Variants in OPRM1 observed in about 807,000 individuals in gnomAD.
OPRM1 encodes the protein opioid receptor mu 1.
In OPRM1, 27 loss-of-function variants were observed where a neutral mutation model predicts 31.8. That is an observed-to-expected ratio of 0.85 (90% CI 0.63 to 1.17). OPRM1 has a LOEUF of 1.17. Ranked by LOEUF, OPRM1 falls within the 50% of genes most tolerant of loss-of-function variation. The pLI is 0.00. For missense variants in OPRM1, 536 were observed against 511.1 expected, an observed-to-expected ratio of 1.05 and a Z score of -0.47; for synonymous variants, 196 against 189.9, an observed-to-expected ratio of 1.03 and a Z score of -0.26.
At chr6:154,140,219 GAAGT>G (rs1280255671) in intron 3 of OPRM1, among the ~76,000 whole-genome samples, 1 of 152,172 alleles carries the variant, frequency 6.6e-6, no homozygotes, top group Non-Finnish European at 1.5e-5. Context: ...CTCCCCAGAG[GAAGT>G]AAGACTTTAG....
At chr6:154,213,291 G>C (rs1006369397) in intron 3 of OPRM1, 13 of 181,194 alleles carry the variant, frequency 7.2e-5, no homozygotes, top group Non-Finnish European at 1.3e-4. Context: ...CAAGTATGTG[G>C]AGACCCCTAC....
chr6:154,075,994 A>G (rs922520387), intron 1 of OPRM1, among the ~76,000 whole-genome samples: 11 of 152,178 alleles, frequency 7.2e-5, no homozygotes, highest in African/African-American at 2.4e-4. Flanking sequence ...ATTCATTATC[A>G]TTACTCTTCT....
rs1006285606 is a variant in OPRM1 at position 154,123,335 on chromosome 6, A to C, written c.*4614A>C. Reference sequence around the variant, plus strand: ...GGAAACTTTTTCCTGGGAGCCCACTAATCACACAGTGAACAAAAGGCTTCT... The same window carrying C: ...GGAAACTTTTTCCTGGGAGCCCACTCATCACACAGTGAACAAAAGGCTTCT... On this transcript the variant is annotated 3_prime_UTR_variant, in exon 4 of 4. Coordinates refer to ENST00000330432, the MANE Select transcript of OPRM1 (RefSeq NM_000914.5). Among the ~76,000 whole-genome samples the C allele has an allele frequency of 1.3e-5, 2 of 152,152 alleles. No individual in the cohort carries two copies. The highest frequency in any genetic ancestry group is 2.9e-5 in the Non-Finnish European group (2 of 68,038).
At chr6:154,233,616 G>C (rs1050108340) in intron 3 of OPRM1, among the ~76,000 whole-genome samples, 2 of 152,158 alleles carry the variant, frequency 1.3e-5, no homozygotes, top group African/African-American at 4.8e-5. Flanking sequence ...TATAAAAACA[G>C]ATGGAAAGAA....
chr6:154,034,097 T>A (rs959220919), intron 1 of OPRM1, among the ~76,000 whole-genome samples: 2 of 152,206 alleles, frequency 1.3e-5, no homozygotes, highest in South Asian at 2.1e-4. Flanking sequence ...CTTGAGTACA[T>A]CTCTTTAAAT....
chr6:154,169,351 ACT>A (rs1181500706), intron 3 of OPRM1, among the ~76,000 whole-genome samples: 2 of 152,002 alleles, frequency 1.3e-5, no homozygotes, highest in Non-Finnish European at 2.9e-5. Context: ...ACAGAGTGAG[ACT>A]CTGTCACACA....
At chr6:154,184,299 A>T (rs1801148981) in intron 3 of OPRM1, among the ~76,000 whole-genome samples, 1 of 152,128 alleles carries the variant, frequency 6.6e-6, no homozygotes, top group South Asian at 2.1e-4. Context: ...ATAATAAAAA[A>T]TTGGAAATCA....
chr6:154,031,545 A>G (rs1779005313), intron 1 of OPRM1, among the ~76,000 whole-genome samples: 1 of 151,928 alleles, frequency 6.6e-6, no homozygotes, highest in Non-Finnish European at 1.5e-5. Flanking sequence ...GGCCAGACTG[A>G]CCAAAATGGT....
chr6:154,212,748 G>A, intron 3 of OPRM1: 1 of 1,508,734 alleles, frequency 6.6e-7, no homozygotes, highest in African/African-American at 1.4e-5. Context: ...ATGACCAACA[G>A]ACTACTTATG....
chr6:154,193,921 A>G (rs1036492724), intron 3 of OPRM1, among the ~76,000 whole-genome samples: 1 of 152,042 alleles, frequency 6.6e-6, no homozygotes, highest in African/African-American at 2.4e-5. Context: ...TTCTAGTAGC[A>G]TAGTATTAAA....
chr6:154,038,543 A>G (rs952173059), upstream of OPRM1, among the ~76,000 whole-genome samples: 1 of 152,214 alleles, frequency 6.6e-6, no homozygotes, highest in Non-Finnish European at 1.5e-5. Context: ...TGTTTTAACA[A>G]CCTTCTTCTC....
rs41292888 is a variant in OPRM1, at chr6:154,039,348, C to T, written c.-197C>T. On this transcript the variant is annotated 5_prime_UTR_variant, in exon 1 of 4. The change creates a new upstream start codon in the 5' untranslated region. Transcript: ENST00000330432. ...ACTACTAAGGTGGGAGGGGGCTATA[C>T]GCAGAGGAGAATGTCAGATGCTCAG... is the stretch of plus-strand genomic sequence containing the variant. 3.4e-5 allele frequency: 53 copies of T among 1,546,304 alleles called. No individual in the cohort carries two copies. The highest frequency in any genetic ancestry group is 4.6e-5 in the Non-Finnish European group (53 of 1,143,876).
intron 3 of OPRM1, among the ~76,000 whole-genome samples, chr6:154,097,603 G>C (rs768230031): frequency 5.1e-4 from 78 of 151,924 alleles, no homozygotes; most frequent in Non-Finnish European, 1.0e-3. Context: ...GTGTGTGTGT[G>C]TGTGTGCGTG....
chr6:154,082,963 A>T (rs754447248), intron 1 of OPRM1, among the ~76,000 whole-genome samples: 27 of 152,204 alleles, frequency 1.8e-4, no homozygotes, highest in Non-Finnish European at 3.4e-4. Context: ...CATAAATACT[A>T]TTTATCACAG....
intron 3 of OPRM1, among the ~76,000 whole-genome samples, chr6:154,101,735 T>C (rs915942071): frequency 6.6e-6 from 1 of 152,212 alleles, no homozygotes; most frequent in Non-Finnish European, 1.5e-5. Context: ...ACCTTTTTTC[T>C]TACTAAATGT....
At position 154,039,597 on chromosome 6, in the gene OPRM1, CGT is replaced by C; in HGVS notation, c.54_55del (p.Tyr19LeufsTer133). 6.2e-7 allele frequency: 1 copy of C among 1,613,842 alleles called. No individual in the cohort carries two copies. Among genetic ancestry groups the C allele is most frequent in the Non-Finnish European group, 8.5e-7 (1 of 1,179,864 alleles). On this transcript the variant is annotated frameshift_variant, in exon 1 of 4. Transcript: ENST00000330432. LOFTEE classifies it high-confidence loss of function. ...GCCAGCAATTGCACTGATGCCTTGG[CGT>C]ACTCAAGTTGCTCCCCAGCACCCAG...
chr6:154,059,620 C>T (rs1456661965), intron 1 of OPRM1, among the ~76,000 whole-genome samples: 3 of 152,098 alleles, frequency 2.0e-5, no homozygotes, highest in African/African-American at 7.2e-5. Context: ...ATGCAAGCTC[C>T]TTGAGGACAG....
rs73572477 is a variant in OPRM1, at chr6:154,048,391, T to G, written c.290+8557T>G. ...CTTAAATCCATCCTTTCTTACAGCCTCTCCAAAGTACTCCTACAACCAATT... is the reference window on the plus strand; with the variant it reads ...CTTAAATCCATCCTTTCTTACAGCCGCTCCAAAGTACTCCTACAACCAATT... On this transcript the variant is annotated intron_variant, in intron 1 of 3. Coordinates refer to ENST00000330432, the MANE Select transcript of OPRM1 (RefSeq NM_000914.5). Among the ~76,000 whole-genome samples the G allele has an allele frequency of 4.1e-3, 624 of 152,248 alleles. 11 individuals are homozygous for G. The highest frequency in any genetic ancestry group is 0.015 in the African/African-American group (604 of 41,546).
intron 1 of OPRM1, among the ~76,000 whole-genome samples, chr6:154,022,918 T>G (rs1323105798): frequency 1.3e-5 from 2 of 152,210 alleles, no homozygotes; most frequent in Non-Finnish European, 2.9e-5. Flanking sequence ...ATGTGTCTGT[T>G]TTTATGCCAG....
Sources: allele counts gnomAD v4.1 joint callset (sites outside exome capture counted in the v4.1 genomes callset), GRCh38; gene constraint gnomAD v4.1.1; transcripts MANE v1.5; gene names NCBI Gene and HGNC (gene_info 2026-07-23, HGNC 2026-07-21).